The following MYRIP variants were observed in gnomAD, a reference collection of about 807,000 sequenced individuals.
MYRIP encodes the protein myosin VIIA and Rab interacting protein.
Under a neutral mutation model 98.0 loss-of-function variants are expected in MYRIP, and 49 were observed. That is an observed-to-expected ratio of 0.50 (90% CI 0.40 to 0.63). The LOEUF is 0.63. Ranked by LOEUF, MYRIP falls within the 30% of genes least tolerant of loss-of-function variation. The pLI is 0.00. For synonymous variants in MYRIP, 404 were observed against 409.5 expected, an observed-to-expected ratio of 0.99 and a Z score of 0.16; for missense variants, 1,004 against 1,058.2, an observed-to-expected ratio of 0.95 and a Z score of 0.71.
At chr3:39,844,617 C>T (rs1256181647) in intron 1 of MYRIP, among the ~76,000 whole-genome samples, 1 of 152,176 alleles carries the variant, frequency 6.6e-6, no homozygotes, top group South Asian at 2.1e-4. Flanking sequence ...CTACTATAAA[C>T]ACCTAGCATG....
chr3:40,119,781 A>G (rs1575552981), intron 3 of MYRIP, among the ~76,000 whole-genome samples: 1 of 152,158 alleles, frequency 6.6e-6, no homozygotes, highest in East Asian at 1.9e-4. Context: ...TGGGGGGAGC[A>G]GGGAGGGATA....
chr3:40,211,224 G>C (rs1331591296), intron 11 of MYRIP, among the ~76,000 whole-genome samples: 2 of 152,146 alleles, frequency 1.3e-5, no homozygotes, highest in African/African-American at 2.4e-5. Flanking sequence ...TCTTCAGAGT[G>C]ATGATTCTGT....
At chr3:40,184,396 T>G (rs1371006918) in intron 9 of MYRIP, among the ~76,000 whole-genome samples, 4 of 152,218 alleles carry the variant, frequency 2.6e-5, no homozygotes, top group Admixed American at 2.0e-4. Flanking sequence ...TAGGCACTAT[T>G]TTATTTTTTC....
At chr3:39,925,455 A>G (rs1944403106) in intron 2 of MYRIP, among the ~76,000 whole-genome samples, 1 of 151,960 alleles carries the variant, frequency 6.6e-6, no homozygotes, top group Non-Finnish European at 1.5e-5. Context: ...ATAGTACTCA[A>G]TAGGGAATTT....
intron 4 of MYRIP, among the ~76,000 whole-genome samples, chr3:40,154,624 G>T (rs1950183067): frequency 6.6e-6 from 1 of 152,074 alleles, no homozygotes; most frequent in Non-Finnish European, 1.5e-5. Context: ...TGTGTGCCAT[G>T]GTGGTTTTCT....
chr3:40,186,305 T>C (rs1244092040), intron 9 of MYRIP, among the ~76,000 whole-genome samples: 2 of 152,096 alleles, frequency 1.3e-5, no homozygotes, highest in Non-Finnish European at 2.9e-5. Flanking sequence ...GGCGTCTTGG[T>C]TTGACTCCCA....
intron 2 of MYRIP, among the ~76,000 whole-genome samples, chr3:40,039,215 GT>G (rs1947456073): frequency 6.6e-6 from 1 of 152,124 alleles, no homozygotes; most frequent in Non-Finnish European, 1.5e-5. Context: ...GAAAGTTGGG[GT>G]GGAGAAAGTC....
intron 2 of MYRIP, among the ~76,000 whole-genome samples, chr3:40,004,778 A>T (rs9882566): frequency 3.3e-5 from 5 of 152,108 alleles, no homozygotes; most frequent in Admixed American, 3.3e-4. Flanking sequence ...ATGGTCTCCA[A>T]TTCCATCCAG....
chr3:40,230,596 A>T (rs1952624212), intron 11 of MYRIP, among the ~76,000 whole-genome samples: 2 of 152,164 alleles, frequency 1.3e-5, no homozygotes, highest in Admixed American at 1.3e-4. Flanking sequence ...ATAGCTATTG[A>T]AATCCAAGTT....
rs149582405 is a variant in MYRIP at position 40,189,960 on chromosome 3, T to A, written c.1162T>A (p.Ser388Thr). Residue 388 changes from serine (S) to threonine (T), a missense_variant, in exon 10 of 17, where the codon TCT becomes ACT. By Grantham distance (58) the Ser-to-Thr change is moderately conservative. This residue lies in a region of MYRIP where 880 missense variants were observed against 907.7 expected (regional missense o/e 0.97). Transcript: ENST00000302541. ...CCTGGAGGTGGCCTCCAGTGTGGCATCTGCCTACGATGAGATGGGCTCCGA... is the reference window on the plus strand; with the variant it reads ...CCTGGAGGTGGCCTCCAGTGTGGCAACTGCCTACGATGAGATGGGCTCCGA... ...QALEVASSVA[S>T]AYDEMGSDSE... The A allele has an allele frequency of 4.5e-5, 72 of 1,613,942 alleles. No homozygotes were observed. The African/African-American group carries it at 7.7e-4, about 17-fold the overall frequency.
At chr3:40,213,557 G>A (rs887473476) in intron 11 of MYRIP, among the ~76,000 whole-genome samples, 3 of 152,042 alleles carry the variant, frequency 2.0e-5, no homozygotes, top group African/African-American at 7.2e-5. Context: ...ACCATCTTCA[G>A]GATCAGAGTT....
intron 2 of MYRIP, among the ~76,000 whole-genome samples, chr3:39,919,115 A>T (rs980243916): frequency 1.3e-5 from 2 of 152,168 alleles, no homozygotes; most frequent in African/African-American, 4.8e-5. Flanking sequence ...TTTTTAGGTG[A>T]AATATTTTGG....
intron 2 of MYRIP, chr3:39,970,108 CTCTT>C (rs1945544091): frequency 6.6e-6 from 1 of 151,690 alleles, no homozygotes; most frequent in Non-Finnish European, 1.5e-5. Context: ...GTGTTCGTTA[CTCTT>C]AACAATAGAT....
At chr3:40,003,164 T>C (rs1946559878) in intron 2 of MYRIP, among the ~76,000 whole-genome samples, 1 of 151,996 alleles carries the variant, frequency 6.6e-6, no homozygotes, top group Non-Finnish European at 1.5e-5. Context: ...TAGATATAAA[T>C]ACAGATAGAT....
chr3:40,063,990 A>G (rs1007344027), intron 3 of MYRIP, among the ~76,000 whole-genome samples: 12 of 152,204 alleles, frequency 7.9e-5, no homozygotes, highest in African/African-American at 2.9e-4. Flanking sequence ...ACAGCAGGTG[A>G]GAACAGGAGG....
chr3:40,141,851 C>T (rs146943105), intron 3 of MYRIP, among the ~76,000 whole-genome samples: 4 of 152,092 alleles, frequency 2.6e-5, no homozygotes, highest in African/African-American at 4.8e-5. Context: ...ACAACAGCTT[C>T]GTGGTGTATT....
chr3:40,001,467 G>A (rs1183912865), intron 2 of MYRIP, among the ~76,000 whole-genome samples: 1 of 152,204 alleles, frequency 6.6e-6, no homozygotes, highest in Non-Finnish European at 1.5e-5. Flanking sequence ...TACTGAGACA[G>A]GGTAGGGATT....
chr3:39,878,538 G>C (rs1243546565), intron 1 of MYRIP, among the ~76,000 whole-genome samples: 1 of 152,004 alleles, frequency 6.6e-6, no homozygotes, highest in African/African-American at 2.4e-5. Flanking sequence ...GGTGTTGAAT[G>C]AACATTTTTG....
rs150651991 is a variant in MYRIP, at chr3:39,948,840, C to CAT, written c.110+47918_110+47919dup. Among the ~76,000 whole-genome samples the CAT allele has an allele frequency of 2.6e-4, 39 of 152,192 alleles. No individual in the cohort carries two copies. In the East Asian group the frequency reaches 7.1e-3, roughly 28 times the overall value. ...AAGGAGGATAATAAAAATAAATCTACATATAGACTACTCTTAGTGAAGCTG... is the reference window on the plus strand; with the variant it reads ...AAGGAGGATAATAAAAATAAATCTACATATATAGACTACTCTTAGTGAAGCTG... On this transcript the variant is annotated intron_variant, in intron 2 of 16. Transcript: ENST00000302541.
Sources: gnomAD v4.1 joint callset for allele counts (sites outside exome capture counted in the v4.1 genomes callset) on GRCh38, gnomAD v4.1.1 for gene constraint, gnomAD v4.1.1 regional missense constraint, MANE v1.5 for transcripts, NCBI Gene and HGNC (gene_info 2026-07-23, HGNC 2026-07-21) for gene names.